CNTN4: variants seen among roughly 807,000 people sequenced by gnomAD.
CNTN4 encodes the protein contactin-4.
In CNTN4, 77 loss-of-function variants were observed where a neutral mutation model predicts 122.5. The ratio of observed to expected loss-of-function variants is 0.63; its 90% CI spans 0.52 to 0.76. CNTN4 has a LOEUF of 0.76. CNTN4 is among the 30% of genes least tolerant of loss of function. The pLI is 0.00. For synonymous variants in CNTN4, 512 were observed against 447.0 expected (o/e 1.15, Z -1.83); for missense variants, 1,256 against 1,259.1 (o/e 1.00, Z 0.04).
At chr3:2,442,546 T>C (rs1463950398) in intron 3 of CNTN4, among the ~76,000 whole-genome samples, 4 of 152,174 alleles carry the variant, frequency 2.6e-5, no homozygotes, top group Non-Finnish European at 5.9e-5. Flanking sequence ...CCTTAAATAT[T>C]GAACTATTGT....
At chr3:2,889,558 G>A (rs145599177) in intron 10 of CNTN4, among the ~76,000 whole-genome samples, 1 of 152,170 alleles carries the variant, frequency 6.6e-6, no homozygotes, top group Admixed American at 6.5e-5. Flanking sequence ...TGTAGGGCTC[G>A]TTTTTCTCAC....
chr3:3,015,821 A>G (rs563220988), intron 14 of CNTN4, among the ~76,000 whole-genome samples: 8 of 152,244 alleles, frequency 5.3e-5, no homozygotes, highest in African/African-American at 9.6e-5. Flanking sequence ...CCTTTCTTTT[A>G]TAGTTTAAGT....
At chr3:2,651,105 G>A (rs560641163) in intron 4 of CNTN4, among the ~76,000 whole-genome samples, 4 of 152,072 alleles carry the variant, frequency 2.6e-5, no homozygotes, top group Non-Finnish European at 4.4e-5. Flanking sequence ...AGACTGTTAC[G>A]GTCTTTTCCT....
At chr3:2,297,867 A>T (rs565139741) in intron 2 of CNTN4, among the ~76,000 whole-genome samples, 2 of 152,198 alleles carry the variant, frequency 1.3e-5, no homozygotes, top group East Asian at 3.9e-4. Context: ...AGTAGCTGGG[A>T]CCAGAGGCAC....
At chr3:2,406,182 AG>A in intron 3 of CNTN4, among the ~76,000 whole-genome samples, 1 of 152,332 alleles carries the variant, frequency 6.6e-6, no homozygotes, top group Non-Finnish European at 1.5e-5. Flanking sequence ...TTAATTATAA[AG>A]GGGAAATGTT....
At chr3:2,490,908 C>T (rs2076297021) in intron 3 of CNTN4, among the ~76,000 whole-genome samples, 1 of 152,122 alleles carries the variant, frequency 6.6e-6, no homozygotes, top group Admixed American at 6.6e-5. Context: ...TGTTTAGCGA[C>T]CAAGATGCTG....
intron 13 of CNTN4, among the ~76,000 whole-genome samples, chr3:2,928,281 G>A: frequency 6.6e-6 from 1 of 152,148 alleles, no homozygotes; most frequent in South Asian, 2.1e-4. Flanking sequence ...AACATGAAGT[G>A]GAACATTTCA....
chr3:2,138,996 T>G (rs563516840), intron 2 of CNTN4, among the ~76,000 whole-genome samples: 12 of 152,328 alleles, frequency 7.9e-5, no homozygotes, highest in African/African-American at 2.6e-4. Flanking sequence ...GAGTGGATTT[T>G]CAGGAAAGCA....
intron 3 of CNTN4, among the ~76,000 whole-genome samples, chr3:2,365,919 C>G (rs1477960615): frequency 1.3e-5 from 2 of 152,144 alleles, no homozygotes; most frequent in Admixed American, 6.6e-5. Context: ...GGTTCTGCCT[C>G]AAATACGGTT....
intron 4 of CNTN4, among the ~76,000 whole-genome samples, chr3:2,707,500 G>T (rs1443791024): frequency 6.6e-6 from 1 of 152,156 alleles, no homozygotes; most frequent in African/African-American, 2.4e-5. Flanking sequence ...AGAGCCAGGT[G>T]TACATCTGCT....
intron 15 of CNTN4, among the ~76,000 whole-genome samples, chr3:3,030,261 C>G (rs1453785259): frequency 6.6e-6 from 1 of 152,110 alleles, no homozygotes; most frequent in Non-Finnish European, 1.5e-5. Context: ...TGTAATTAGT[C>G]CCATTCTTCT....
chr3:2,938,213 A>G (rs924926571), intron 13 of CNTN4, among the ~76,000 whole-genome samples: 12 of 152,062 alleles, frequency 7.9e-5, no homozygotes, highest in Non-Finnish European at 1.5e-5. Flanking sequence ...GATTCAGGTT[A>G]CTTATTACTT....
chr3:2,220,101 G>C (rs1382567484), intron 2 of CNTN4, among the ~76,000 whole-genome samples: 3 of 152,050 alleles, frequency 2.0e-5, no homozygotes, highest in African/African-American at 7.2e-5. Context: ...CTGGTATACT[G>C]TTCCTCTCTT....
At chr3:2,160,906 A>G (rs1425612909) in intron 2 of CNTN4, among the ~76,000 whole-genome samples, 1 of 152,156 alleles carries the variant, frequency 6.6e-6, no homozygotes, top group Admixed American at 6.5e-5. Context: ...TACAGGGTGA[A>G]CAAGAAGGTA....
chr3:2,359,893 A>G (rs1170512831), intron 3 of CNTN4, among the ~76,000 whole-genome samples: 5 of 152,148 alleles, frequency 3.3e-5, no homozygotes, highest in Non-Finnish European at 5.9e-5. Flanking sequence ...GATATTTTGG[A>G]GTTTCTACCA....
Position 2,455,207 on chromosome 3 carries a change from C to A in CNTN4, c.-89+115974C>A, listed in dbSNP as rs140859862. ...GCAAGGGCTGTGGCAGACAGATATGCAGGAAGCAATAGGCAAATTTAATAT... is the reference window on the plus strand; with the variant it reads ...GCAAGGGCTGTGGCAGACAGATATGAAGGAAGCAATAGGCAAATTTAATAT... On this transcript the variant is annotated intron_variant, in intron 3 of 24. Transcript: ENST00000418658. Among the ~76,000 whole-genome samples, 10 of 152,182 alleles carry A rather than the reference C, an allele frequency of 6.6e-5. No individual in the cohort carries two copies. The South Asian group carries it at 1.0e-3, about 16-fold the overall frequency.
intron 6 of CNTN4, among the ~76,000 whole-genome samples, chr3:2,800,235 A>G (rs369392625): frequency 2.2e-4 from 34 of 152,108 alleles, no homozygotes; most frequent in African/African-American, 7.5e-4. Context: ...TTTGGATACC[A>G]CAGTGCATAT....
At chr3:2,609,666 C>A (rs1271922329) in intron 4 of CNTN4, among the ~76,000 whole-genome samples, 1 of 152,070 alleles carries the variant, frequency 6.6e-6, no homozygotes, top group Non-Finnish European at 1.5e-5. Flanking sequence ...TCTCTTTGAA[C>A]TTCTATAAAG....
intron 2 of CNTN4, among the ~76,000 whole-genome samples, chr3:2,115,731 A>G (rs1213812004): frequency 1.3e-5 from 2 of 152,254 alleles, no homozygotes; most frequent in African/African-American, 4.8e-5. Context: ...AACATTTCAT[A>G]CAACCGCAGC....
Sources: gnomAD v4.1 joint callset for allele counts (sites outside exome capture counted in the v4.1 genomes callset) on GRCh38, gnomAD v4.1.1 for gene constraint, MANE v1.5 for transcripts, NCBI Gene and HGNC (gene_info 2026-07-23, HGNC 2026-07-21) for gene names.